The following WDR72 variants were observed in gnomAD, a reference collection of about 807,000 sequenced individuals.
WDR72 encodes the protein WD repeat domain 72, also known as WD repeat-containing protein 72.
In WDR72, 120 loss-of-function variants were observed where a neutral mutation model predicts 124.2. That is an observed-to-expected ratio of 0.97 (90% confidence interval 0.83 to 1.12). WDR72 has a LOEUF of 1.12. Ranked by LOEUF, WDR72 falls within the 50% of genes most tolerant of loss-of-function variation. The probability of loss-of-function intolerance (pLI) is 0.00; values close to 1 mark genes in which losing one functional copy is unlikely to be tolerated. For synonymous variants in WDR72, 452 were observed against 441.7 expected (o/e 1.02, Z -0.29); for missense variants, 1,387 against 1,278.8 (o/e 1.08, Z -1.29).
chr15:53,729,346 C>A (rs999298950), intron 2 of WDR72, among the ~76,000 whole-genome samples: 11 of 152,142 alleles, frequency 7.2e-5, no homozygotes, highest in Non-Finnish European at 1.5e-4. Flanking sequence ...CCAATATGCC[C>A]TTCACATTGC....
chr15:53,698,410 A>G (rs2017070302), intron 13 of WDR72, among the ~76,000 whole-genome samples: 1 of 152,244 alleles, frequency 6.6e-6, no homozygotes, highest in Non-Finnish European at 1.5e-5. Flanking sequence ...GCAGAAGTCA[A>G]GACTTTGCTG....
Position 53,541,327 on chromosome 15 carries a change from C to G in WDR72, c.3149-18005G>C, listed in dbSNP as rs533575852. On this transcript the variant is annotated intron_variant, in intron 18 of 19. Transcript: ENST00000360509. Reference sequence around the variant, plus strand: ...GGGCAGACTGCCTCCTCAAGTGGGTCCCTGACCCCTGACCCCCGAGCAGCC... The same window carrying G: ...GGGCAGACTGCCTCCTCAAGTGGGTGCCTGACCCCTGACCCCCGAGCAGCC... Among the ~76,000 whole-genome samples, 38 of 152,206 alleles carry G rather than the reference C, an allele frequency of 2.5e-4. No homozygotes were observed. The South Asian group carries it at 5.2e-3, about 21-fold the overall frequency.
intron 14 of WDR72, among the ~76,000 whole-genome samples, chr15:53,624,793 GTT>G (rs1279083189): frequency 6.6e-6 from 1 of 152,136 alleles, no homozygotes; most frequent in Non-Finnish European, 1.5e-5. Flanking sequence ...AGTCATCACT[GTT>G]TGAAACTTTA....
chr15:53,722,050 T>G (rs938428490), intron 3 of WDR72, among the ~76,000 whole-genome samples: 2 of 151,864 alleles, frequency 1.3e-5, no homozygotes, highest in African/African-American at 4.8e-5. Context: ...TATTTTTATT[T>G]ATTTATTTAT....
chr15:53,743,178 C>T (rs938341279), intron 1 of WDR72, among the ~76,000 whole-genome samples: 1 of 151,548 alleles, frequency 6.6e-6, no homozygotes, highest in Non-Finnish European at 1.5e-5. Flanking sequence ...TTTGTCATTT[C>T]TTGGTGGCAT....
intron 7 of WDR72, among the ~76,000 whole-genome samples, chr15:53,712,172 T>C (rs2017558013): frequency 6.6e-6 from 1 of 152,232 alleles, no homozygotes; most frequent in Non-Finnish European, 1.5e-5. Flanking sequence ...ATATTCATTG[T>C]TATTATGGTT....
intron 14 of WDR72, among the ~76,000 whole-genome samples, chr15:53,648,354 T>C (rs1204322704): frequency 6.6e-6 from 1 of 152,134 alleles, no homozygotes; most frequent in Non-Finnish European, 1.5e-5. Context: ...CCTCTGGAGA[T>C]GAAAACTAAT....
intron 14 of WDR72, among the ~76,000 whole-genome samples, chr15:53,639,015 T>C (rs2014732461): frequency 6.6e-6 from 1 of 152,022 alleles, no homozygotes; most frequent in South Asian, 2.1e-4. Flanking sequence ...CCATGGTCAC[T>C]GCAACACCAA....
At chr15:53,623,628 C>T (rs760144177) in intron 14 of WDR72, among the ~76,000 whole-genome samples, 70 of 152,050 alleles carry the variant, frequency 4.6e-4, no homozygotes, top group Non-Finnish European at 6.5e-4. Flanking sequence ...TACAAGATCA[C>T]GTGTCTTTTT....
At chr15:53,517,810 G>C in intron 19 of WDR72, 56 bp from the exon 20 acceptor site, 2 of 1,558,490 alleles carry the variant, frequency 1.3e-6, no homozygotes, top group Non-Finnish European at 1.8e-6. Flanking sequence ...AGAGAAAAAA[G>C]AGAAAGACCA....
intron 13 of WDR72, among the ~76,000 whole-genome samples, chr15:53,693,250 A>G (rs2016898964): frequency 6.6e-6 from 1 of 152,202 alleles, no homozygotes; most frequent in Admixed American, 6.5e-5. Context: ...CTACCATAAA[A>G]GAAGGTGACC....
At position 53,733,171 on chromosome 15, in the gene WDR72, AAAG is replaced by A; in HGVS notation, c.-12-13_-12-11del. On this transcript the variant is annotated splice_polypyrimidine_tract_variant and intron_variant, in intron 1 of 19. Coordinates refer to ENST00000360509, the MANE Select transcript of WDR72 (RefSeq NM_182758.4). ...TCATTTTGGGCGAATCCTGACATACAAAGAAGGGAAGAAGCATACATGGTCATC... is the reference window on the plus strand; with the variant it reads ...TCATTTTGGGCGAATCCTGACATACAAAGGGAAGAAGCATACATGGTCATC... The A allele has an allele frequency of 6.2e-7, 1 of 1,613,524 alleles. No homozygotes were observed. The highest frequency in any genetic ancestry group is 1.7e-5 in the Admixed American group (1 of 59,978).
In WDR72 at chr15:53,517,691, G is replaced by A; in HGVS notation, c.*8C>T. On this transcript the variant is annotated 3_prime_UTR_variant, in exon 20 of 20. Transcript: ENST00000360509. ...GTCCAAATTCAGCTCCTACTGATGA[G>A]ATTCCATTTAAGACACCTTGCAGGG... The A allele has an allele frequency of 6.2e-7, 1 of 1,612,692 alleles. No individual in the cohort carries two copies. Among genetic ancestry groups the A allele is most frequent in the South Asian group, 1.1e-5 (1 of 91,050 alleles).
chr15:53,609,069 A>G (rs187731872), intron 17 of WDR72, among the ~76,000 whole-genome samples: 1 of 152,146 alleles, frequency 6.6e-6, no homozygotes, highest in Non-Finnish European at 1.5e-5. Context: ...CTGTGATGTG[A>G]TAATTAGGCA....
In WDR72 at chr15:53,665,372, T is replaced by C. The variant is rs369377410; in HGVS notation, c.1962+200A>G. Among the ~76,000 whole-genome samples, 9 of 152,294 alleles carry C rather than the reference T, an allele frequency of 5.9e-5. No individual in the cohort carries two copies. In the South Asian group the frequency reaches 1.5e-3, roughly 25 times the overall value. On this transcript the variant is annotated intron_variant, in intron 14 of 19. Coordinates refer to ENST00000360509, the MANE Select transcript of WDR72 (RefSeq NM_182758.4). ...TCAATTTTGATAAGCCAGAACCTAT[T>C]TTGTCAAAAATCATGCCATAGTAAG...
Position 53,515,155 on chromosome 15 carries a change from A to G in WDR72, c.*2544T>C, listed in dbSNP as rs923295568. ...AGATGATTACCAAAAAAGAAACACA[A>G]GACAAAATTTTTAAATAAATTTTTT... is the stretch of plus-strand genomic sequence containing the variant. On this transcript the variant is annotated 3_prime_UTR_variant, in exon 20 of 20. Transcript: ENST00000360509. The G allele has an allele frequency of 3.3e-5, 5 of 150,632 alleles. No individual in the cohort carries two copies. Among genetic ancestry groups the G allele is most frequent in the Admixed American group, 1.3e-4 (2 of 15,164 alleles). The allele number at this position is 150,632 out of a possible 1,614,324, so 9.3% of individuals were successfully genotyped here.
chr15:53,550,607 C>T (rs1179085508), intron 18 of WDR72, among the ~76,000 whole-genome samples: 2 of 152,182 alleles, frequency 1.3e-5, no homozygotes, highest in Non-Finnish European at 1.5e-5. Flanking sequence ...CACTCTGCTC[C>T]AGCAGAGAAA....
chr15:53,515,089 A>ATATGTGTG lies in WDR72; in HGVS notation c.*2609_*2610insCACACATA. The ATATGTGTG allele has an allele frequency of 1.4e-4, 16 of 116,436 alleles. No individual in the cohort carries two copies. The highest frequency in any genetic ancestry group is 4.1e-4 in the Admixed American group (4 of 9,840). The allele number at this position is 116,436 out of a possible 1,614,324, so 7.2% of individuals were successfully genotyped here. ...TACACACATATATATGTATGTATAC[A>ATATGTGTG]CACACACACACACACACAAATACAT... is the stretch of plus-strand genomic sequence containing the variant. On this transcript the variant is annotated 3_prime_UTR_variant, in exon 20 of 20. Transcript: ENST00000360509.
intron 18 of WDR72, among the ~76,000 whole-genome samples, chr15:53,546,759 A>G (rs1277874311): frequency 6.6e-6 from 1 of 152,250 alleles, no homozygotes; most frequent in African/African-American, 2.4e-5. Context: ...CTAATCAAGA[A>G]GCAAAGGGAA....
Sources: gnomAD v4.1 joint callset for allele counts (sites outside exome capture counted in the v4.1 genomes callset) on GRCh38, gnomAD v4.1.1 for gene constraint, MANE v1.5 for transcripts, NCBI Gene and HGNC (gene_info 2026-07-23, HGNC 2026-07-21) for gene names.